PRTG: variants seen among roughly 807,000 people sequenced by gnomAD.
The protein encoded by PRTG is protogenin.
In PRTG, 67 loss-of-function variants were observed where a neutral mutation model predicts 122.5. That is an observed-to-expected ratio of 0.55 (90% CI 0.45 to 0.67). The LOEUF (loss-of-function observed/expected upper bound fraction) is 0.67. Among genes scored for constraint, PRTG ranks in the 30% least tolerant of loss-of-function variants. The probability of loss-of-function intolerance (pLI) is 0.00; values close to 1 mark genes in which losing one functional copy is unlikely to be tolerated. For missense variants in PRTG, 1,435 were observed against 1,415.4 expected, an observed-to-expected ratio of 1.01 and a Z score of -0.22; for synonymous variants, 554 against 501.1, an observed-to-expected ratio of 1.11 and a Z score of -1.41.
intron 2 of PRTG, among the ~76,000 whole-genome samples, chr15:55,711,793 T>C (rs1193029712): frequency 2.6e-5 from 4 of 152,164 alleles, no homozygotes; most frequent in African/African-American, 7.2e-5. Context: ...TTGTAGACAA[T>C]AATATATACT....
intron 2 of PRTG, among the ~76,000 whole-genome samples, chr15:55,714,513 G>A (rs796975591): frequency 9.9e-5 from 15 of 151,864 alleles, no homozygotes; most frequent in African/African-American, 3.6e-4. Flanking sequence ...TTACAAGTGT[G>A]AGCCACCAAG....
chr15:55,709,691 G>A (rs2030303657), intron 2 of PRTG, among the ~76,000 whole-genome samples: 1 of 152,144 alleles, frequency 6.6e-6, no homozygotes, highest in Non-Finnish European at 1.5e-5. Context: ...TCAATGGAAT[G>A]CTACTTAACA....
At chr15:55,734,220 C>A (rs2031335739) in intron 2 of PRTG, among the ~76,000 whole-genome samples, 1 of 152,116 alleles carries the variant, frequency 6.6e-6, no homozygotes, top group South Asian at 2.1e-4. Flanking sequence ...TATCCTTTTT[C>A]TTTTTGGTAA....
intron 11 of PRTG, chr15:55,655,835 T>G (rs760193031): frequency 1.3e-5 from 2 of 152,228 alleles, no homozygotes; most frequent in African/African-American, 4.8e-5. Flanking sequence ...AACCTTTCAG[T>G]GCCTAATCAT....
intron 2 of PRTG, among the ~76,000 whole-genome samples, chr15:55,697,914 C>T (rs1194771184): frequency 6.6e-6 from 1 of 152,128 alleles, no homozygotes; most frequent in Non-Finnish European, 1.5e-5. Context: ...TATTAAAGCA[C>T]TCAGTAAATT....
rs774438197 is a variant in PRTG at position 55,672,674 on chromosome 15, A to C, written c.1853-41T>G. On this transcript the variant is annotated intron_variant, in intron 10 of 19. Transcript: ENST00000389286. ...AGAAAATGTATGTATAAACAACCCA[A>C]TATCCACATAAAGACACAGAATAGG... is the stretch of plus-strand genomic sequence containing the variant. The C allele has an allele frequency of 2.0e-6, 3 of 1,479,186 alleles. No homozygotes were observed. In the South Asian group the frequency reaches 3.7e-5, roughly 18 times the overall value. The allele number at this position is 1,479,186 out of a possible 1,614,324, so 91.6% of individuals were successfully genotyped here. A position where few individuals can be genotyped will look rare whatever the true frequency, so the allele number is the denominator to read the frequency against.
intron 11 of PRTG, among the ~76,000 whole-genome samples, chr15:55,646,583 A>C (rs1366322823): frequency 6.6e-6 from 1 of 152,010 alleles, no homozygotes; most frequent in African/African-American, 2.4e-5. Context: ...CGTCCTCCCA[A>C]AGTGCTGGGA....
At chr15:55,664,496 T>C (rs1412926522) in intron 11 of PRTG, among the ~76,000 whole-genome samples, 2 of 152,136 alleles carry the variant, frequency 1.3e-5, no homozygotes, top group Admixed American at 1.3e-4. Context: ...GGTAATTAAA[T>C]TGGTACAGAT....
chr15:55,673,214 C>T (rs1374409368), intron 10 of PRTG, among the ~76,000 whole-genome samples, 157 bp downstream of exon 10: 1 of 152,052 alleles, frequency 6.6e-6, no homozygotes, highest in African/African-American at 2.4e-5. Context: ...AAAGCGACTA[C>T]TTAATAAAAA....
At chr15:55,731,934 C>A (rs1381408035) in intron 2 of PRTG, among the ~76,000 whole-genome samples, 1 of 152,180 alleles carries the variant, frequency 6.6e-6, no homozygotes. Flanking sequence ...AGCAGACTTA[C>A]ACAAACCTAG....
chr15:55,715,730 T>C (rs911480824), intron 2 of PRTG, among the ~76,000 whole-genome samples: 1 of 152,152 alleles, frequency 6.6e-6, no homozygotes, highest in Admixed American at 6.5e-5. Flanking sequence ...ACTTTTAAGA[T>C]CCACAAAGGT....
At chr15:55,683,179 G>T (rs1595647996) in intron 3 of PRTG, among the ~76,000 whole-genome samples, 1 of 151,260 alleles carries the variant, frequency 6.6e-6, no homozygotes, top group African/African-American at 2.5e-5. Flanking sequence ...GACATATGTA[G>T]ATATGCTTTT....
chr15:55,630,350 T>G (rs1436844312), intron 15 of PRTG, among the ~76,000 whole-genome samples: 7 of 151,880 alleles, frequency 4.6e-5, no homozygotes, highest in Non-Finnish European at 8.8e-5. Flanking sequence ...TTTGAACTCC[T>G]GACCTCAAGT....
At chr15:55,657,689 C>T (rs748979308) in intron 11 of PRTG, among the ~76,000 whole-genome samples, 4 of 152,280 alleles carry the variant, frequency 2.6e-5, no homozygotes, top group East Asian at 3.9e-4. Context: ...TTTGTTTTGA[C>T]TGCAAGGAAG....
At chr15:55,639,219 C>T (rs944678962) in intron 13 of PRTG, among the ~76,000 whole-genome samples, 1 of 152,156 alleles carries the variant, frequency 6.6e-6, no homozygotes, top group Non-Finnish European at 1.5e-5. Flanking sequence ...AGCAATCCTA[C>T]CACCTCAGCC....
chr15:55,650,238 C>T (rs2141753811), intron 11 of PRTG, among the ~76,000 whole-genome samples: 1 of 151,968 alleles, frequency 6.6e-6, no homozygotes, highest in African/African-American at 2.4e-5. Flanking sequence ...TATTGGGGAG[C>T]TAAGACAAAA....
In PRTG at chr15:55,679,402, A is replaced by G; in HGVS notation, c.1017T>C (p.Pro339=). Reference sequence around the variant, plus strand: ...ACACAAATCGAGCAGTGCCAGCTCGAGGCCTTGTTAAACTTTCTGGCCATT... The same window carrying G: ...ACACAAATCGAGCAGTGCCAGCTCGGGGCCTTGTTAAACTTTCTGGCCATT... The part of the protein sequence containing the change: ...FVEWPESLTR[P]RAGTARFVCQ... Residue 339 remains proline, a synonymous_variant, in exon 7 of 20, where the codon CCT becomes CCC. Transcript: ENST00000389286. 1 of 1,613,102 alleles carries G rather than the reference A, an allele frequency of 6.2e-7. No individual in the cohort carries two copies. Among genetic ancestry groups the G allele is most frequent in the Non-Finnish European group, 8.5e-7 (1 of 1,179,408 alleles).
chr15:55,622,216 GTTTTT>G (rs35973280), intron 18 of PRTG, among the ~76,000 whole-genome samples: 2 of 113,440 alleles, frequency 1.8e-5, no homozygotes, highest in Admixed American at 1.1e-4. Context: ...ATTAGTACTT[GTTTTT>G]TTTTTTTTTT....
chr15:55,636,564 T>C (rs1274686487), intron 15 of PRTG, among the ~76,000 whole-genome samples: 2 of 152,146 alleles, frequency 1.3e-5, no homozygotes, highest in Non-Finnish European at 2.9e-5. Flanking sequence ...TCCAGGACTA[T>C]CACCTCTTTC....
Sources: allele counts gnomAD v4.1 joint callset (sites outside exome capture counted in the v4.1 genomes callset), GRCh38; gene constraint gnomAD v4.1.1; transcripts MANE v1.5; gene names NCBI Gene and HGNC (gene_info 2026-07-23, HGNC 2026-07-21).